CUL9: variants seen among roughly 807,000 people sequenced by gnomAD.
CUL9 encodes the protein cullin-9.
A neutral mutation model predicts 272.6 loss-of-function variants in CUL9; 79 were observed. That is an observed-to-expected ratio of 0.29 (90% CI 0.24 to 0.35). The LOEUF (loss-of-function observed/expected upper bound fraction) is 0.35. CUL9 is among the 10% of genes least tolerant of loss of function. CUL9 has a pLI of 1.00. For missense variants in CUL9, 2,532 were observed against 3,255.6 expected, an observed-to-expected ratio of 0.78 and a Z score of 5.41; for synonymous variants, 1,186 against 1,286.5, an observed-to-expected ratio of 0.92 and a Z score of 1.67.
At chr6:43,214,699 G>A (rs954970990) in intron 29 of CUL9, among the ~76,000 whole-genome samples, 1 of 152,064 alleles carries the variant, frequency 6.6e-6, no homozygotes, top group African/African-American at 2.4e-5. Flanking sequence ...TACTTGGGAG[G>A]CTGAGGCGGT....
intron 20 of CUL9, 157 bp from the exon 21 acceptor site, chr6:43,204,203 C>A: frequency 9.3e-7 from 1 of 1,076,994 alleles, no homozygotes; most frequent in African/African-American, 1.6e-5. Context: ...TTAACATTTC[C>A]CCTGACTCCA....
chr6:43,214,487 T>C (rs1775775367), intron 29 of CUL9, among the ~76,000 whole-genome samples: 1 of 151,614 alleles, frequency 6.6e-6, no homozygotes, highest in Non-Finnish European at 1.5e-5. Flanking sequence ...ATTTGACAGA[T>C]AAGAACAGTG....
intron 21 of CUL9, 102 bp downstream of exon 21, chr6:43,204,641 C>T: frequency 1.3e-6 from 2 of 1,577,478 alleles, no homozygotes; most frequent in East Asian, 4.5e-5. Flanking sequence ...ACCGGCCTTT[C>T]CAGGCCCCTG....
In CUL9 at chr6:43,186,503, G is replaced by C; in HGVS notation, c.1251+48G>C. On this transcript the variant is annotated intron_variant, in intron 4 of 40. Coordinates refer to ENST00000252050, the MANE Select transcript of CUL9 (RefSeq NM_015089.4). ...ACACTGTTGGGAGTTTATTTGGGGT[G>C]GGGTGTAGCTGGGACTTCATAAGGA... is the stretch of plus-strand genomic sequence containing the variant. 2.6e-6 allele frequency: 4 copies of C among 1,546,608 alleles called. No homozygotes were observed. The South Asian group carries it at 4.9e-5, about 19-fold the overall frequency.
rs1437935490 is a variant in CUL9 at position 43,216,281 on chromosome 6, G to A, written c.6060G>A (p.Glu2020=). The A allele has an allele frequency of 3.7e-6, 6 of 1,613,922 alleles. No homozygotes were observed. Among genetic ancestry groups the A allele is most frequent in the Middle Eastern group, 3.3e-4 (2 of 6,084 alleles). Residue 2020 remains glutamate (E), a synonymous_variant, in exon 31 of 41, where the codon GAG becomes GAA. Transcript: ENST00000252050. ...VRQVQETLNL[E]PDVAQHLLAH... ...AGGTGCAGGAGACGCTGAACTTAGA[G>A]CCAGATGTCGCTCAGCACCTTTTGG...
chr6:43,200,723 C>T lies in CUL9; in HGVS notation c.3536C>T (p.Pro1179Leu), dbSNP rs751257346. Residue 1179 changes from proline to leucine, a missense_variant, in exon 16 of 41, where the codon CCG becomes CTG. By Grantham distance (98) the Pro-to-Leu change is moderately conservative. This residue lies in a region of CUL9 where 2,218 missense variants were observed against 2,788.6 expected (regional missense o/e 0.80). Transcript: ENST00000252050. The surrounding 1 kb of genome is among the most constrained non-coding windows in gnomAD (Gnocchi z 4.0). ...CWEKVEVSSN[P>L]HRASKLTDHN... ...GAGAAGGTGGAGGTGTCCTCCAACC[C>T]GCACCGAGCCAGCAAGCTGACGGAC... 30 of 1,614,076 alleles carry T rather than the reference C, an allele frequency of 1.9e-5. No individual in the cohort carries two copies. Among genetic ancestry groups the T allele is most frequent in the South Asian group, 1.8e-4 (16 of 91,086 alleles).
chr6:43,208,365 C>G (rs1775208103), intron 26 of CUL9, among the ~76,000 whole-genome samples: 1 of 152,122 alleles, frequency 6.6e-6, no homozygotes, highest in African/African-American at 2.4e-5. Context: ...ACCACTATGC[C>G]TGGCTAATTT....
At position 43,216,268 on chromosome 6, in the gene CUL9, C is replaced by G; in HGVS notation, c.6047C>G (p.Thr2016Arg). The G allele has an allele frequency of 6.2e-7, 1 of 1,613,894 alleles. No individual in the cohort carries two copies. The highest frequency in any genetic ancestry group is 8.5e-7 in the Non-Finnish European group (1 of 1,179,884). The change falls in exon 31 of 41, where the codon ACG (threonine) becomes AGG (arginine). Residue 2016 changes from threonine (T) to arginine (R), a missense_variant. Coordinates refer to ENST00000252050, the MANE Select transcript of CUL9 (RefSeq NM_015089.4). ...MKQTVRQVQE[T>R]LNLEPDVAQH... Reference sequence around the variant, plus strand: ...CAGACGGTGCGTCAGGTGCAGGAGACGCTGAACTTAGAGCCAGATGTCGCT... The same window carrying G: ...CAGACGGTGCGTCAGGTGCAGGAGAGGCTGAACTTAGAGCCAGATGTCGCT...
chr6:43,205,931 A>G (rs2150590558), intron 24 of CUL9, 76 bp from the exon 25 acceptor site: 1 of 1,274,058 alleles, frequency 7.8e-7, no homozygotes, highest in Non-Finnish European at 1.1e-6. Flanking sequence ...GGACAGAGGG[A>G]CCTACATTCT....
chr6:43,192,631 G>A (rs1773631685), intron 8 of CUL9, among the ~76,000 whole-genome samples: 2 of 152,226 alleles, frequency 1.3e-5, no homozygotes, highest in South Asian at 2.1e-4. Flanking sequence ...AGCTGAGATC[G>A]CGCCATTGCA....
rs2150587269 is a variant in CUL9 at position 43,204,965 on chromosome 6, C to T, written c.4482C>T (p.Ala1494=). Residue 1494 remains alanine, a synonymous_variant, in exon 23 of 41, where the codon GCC becomes GCT. Coordinates refer to ENST00000252050, the MANE Select transcript of CUL9 (RefSeq NM_015089.4). ...VSRFLAAAWR[A]PDFVPRYCKL... Reference sequence around the variant, plus strand: ...GATTCCTGGCTGCAGCTTGGAGGGCCCCAGACTTTGTGCCTCGTTACTGTA... The same window carrying T: ...GATTCCTGGCTGCAGCTTGGAGGGCTCCAGACTTTGTGCCTCGTTACTGTA... 6.2e-7 allele frequency: 1 copy of T among 1,611,208 alleles called. No individual in the cohort carries two copies. The highest frequency in any genetic ancestry group is 8.5e-7 in the Non-Finnish European group (1 of 1,178,172).
At chr6:43,188,384 C>A in intron 7 of CUL9, 139 bp from the exon 8 acceptor site, 1 of 899,496 alleles carries the variant, frequency 1.1e-6, no homozygotes, top group South Asian at 1.8e-5. Flanking sequence ...ATCCCTGACA[C>A]AGAATTGGAA....
intron 11 of CUL9, 56 bp from the exon 12 acceptor site, chr6:43,198,553 G>T: frequency 6.3e-7 from 1 of 1,589,122 alleles, no homozygotes; most frequent in South Asian, 1.1e-5. Flanking sequence ...TTCTCAGTTT[G>T]ACAAACTGGT....
At chr6:43,222,688 G>C in intron 37 of CUL9, 47 bp downstream of exon 37, 1 of 1,605,626 alleles carries the variant, frequency 6.2e-7, no homozygotes, top group Non-Finnish European at 8.5e-7. Flanking sequence ...GTGCCAAATG[G>C]GTCTGGGGGG....
chr6:43,194,782 G>A (rs1350038718), intron 9 of CUL9, among the ~76,000 whole-genome samples: 1 of 152,160 alleles, frequency 6.6e-6, no homozygotes, highest in Non-Finnish European at 1.5e-5. Context: ...ATGGCTGAGT[G>A]TGGTGGCTCA....
Position 43,221,818 on chromosome 6 carries a change from C to T in CUL9, c.6846+40C>T, listed in dbSNP as rs762578581. On this transcript the variant is annotated intron_variant, in intron 35 of 40. Transcript: ENST00000252050. The surrounding 1 kb of genome is among the most constrained non-coding windows in gnomAD (Gnocchi z 4.2). Reference sequence around the variant, plus strand: ...ACTAGGGGAGGGCAGAGGCCCAGAGCCGTCGGGGAGGGGTGCTGCTACCAG... The same window carrying T: ...ACTAGGGGAGGGCAGAGGCCCAGAGTCGTCGGGGAGGGGTGCTGCTACCAG... The T allele has an allele frequency of 1.8e-5, 28 of 1,568,680 alleles. 1 individual carries two copies. The Admixed American group carries it at 4.4e-4, about 25-fold the overall frequency.
intron 1 of CUL9, among the ~76,000 whole-genome samples, chr6:43,182,489 C>T (rs1209947758): frequency 1.3e-5 from 2 of 151,704 alleles, no homozygotes; most frequent in South Asian, 2.1e-4. Flanking sequence ...TGGGCTTGAC[C>T]TTGCTATCTG....
At chr6:43,188,871 T>C in intron 8 of CUL9, 156 bp downstream of exon 8, 1 of 593,752 alleles carries the variant, frequency 1.7e-6, no homozygotes, top group Non-Finnish European at 2.9e-6. Context: ...GATGTTTTAA[T>C]GGCTCGTATT....
rs779552248 is a variant in CUL9 at position 43,213,541 on chromosome 6, A to G, written c.5462A>G (p.His1821Arg). 6.3e-7 allele frequency: 1 copy of G among 1,599,908 alleles called. No homozygotes were observed. The highest frequency in any genetic ancestry group is 8.5e-7 in the Non-Finnish European group (1 of 1,173,558). The change falls in exon 28 of 41, where the codon CAT becomes CGT. Residue 1821 changes from histidine (H) to arginine (R), a missense_variant. By Grantham distance (29) the His-to-Arg change is conservative. Around this residue, in one of 3 missense-constraint regions of CUL9, gnomAD observed 2,218 missense variants for 2,788.6 expected, o/e 0.80. Coordinates refer to ENST00000252050, the MANE Select transcript of CUL9 (RefSeq NM_015089.4). The surrounding 1 kb of genome is among the most constrained non-coding windows in gnomAD (Gnocchi z 5.7). ...TCAGGGAATGGCCCTTTGACCCTGC[A>G]TGAGGGCCAGGACTTTCCACACGGG... The part of the protein sequence containing the change: ...LTSGNGPLTL[H>R]EGQDFPHGGV...
Sources: gnomAD v4.1 joint callset for allele counts (sites outside exome capture counted in the v4.1 genomes callset) on GRCh38, gnomAD v4.1.1 for gene constraint, gnomAD v4.1.1 regional missense constraint, Gnocchi (gnomAD v3.1) non-coding constraint, MANE v1.5 for transcripts, NCBI Gene and HGNC (gene_info 2026-07-23, HGNC 2026-07-21) for gene names.